The following PIWIL1 variants were observed in gnomAD, a reference collection of about 807,000 sequenced individuals.
The protein encoded by PIWIL1 is piwi-like protein 1.
A neutral mutation model predicts 114.4 loss-of-function variants in PIWIL1; 73 were observed. That is an observed-to-expected ratio of 0.64 (90% CI 0.53 to 0.78). The LOEUF (loss-of-function observed/expected upper bound fraction) is 0.78, where lower values mean the gene tolerates loss of function less well. Ranked by LOEUF, PIWIL1 falls within the 30% of genes least tolerant of loss-of-function variation. The probability of loss-of-function intolerance (pLI) is 0.00; values close to 1 mark genes in which losing one functional copy is unlikely to be tolerated. For missense variants in PIWIL1, 723 were observed against 1,063.1 expected (o/e 0.68, Z 4.45); for synonymous variants, 375 against 369.0 (o/e 1.02, Z -0.19).
intron 2 of PIWIL1, 65 bp downstream of exon 2, chr12:130,342,734 A>G: frequency 2.5e-6 from 3 of 1,222,062 alleles, no homozygotes; most frequent in Non-Finnish European, 3.6e-6. Flanking sequence ...TAGGCTGTTG[A>G]AAATAAACTA....
chr12:130,410,162 T>A, the PIWIL1 span, among the ~76,000 whole-genome samples: 1 of 152,244 alleles, frequency 6.6e-6, no homozygotes, highest in African/African-American at 2.4e-5. Context: ...TTTCATGTGC[T>A]TATTTGCCAC....
the PIWIL1 span, among the ~76,000 whole-genome samples, chr12:130,416,946 A>G: frequency 6.6e-6 from 1 of 151,820 alleles, no homozygotes; most frequent in South Asian, 2.1e-4. Flanking sequence ...ATAATAAAAT[A>G]TAAATAAAAA....
At chr12:130,368,089 C>T (rs2073718834) in intron 19 of PIWIL1, among the ~76,000 whole-genome samples, 3 of 152,152 alleles carry the variant, frequency 2.0e-5, no homozygotes, top group Admixed American at 6.5e-5. Flanking sequence ...TGAGCCACCA[C>T]GCCCAGCCGA....
the PIWIL1 span, among the ~76,000 whole-genome samples, chr12:130,395,061 G>A: frequency 2.6e-5 from 4 of 152,274 alleles, no homozygotes; most frequent in African/African-American, 9.6e-5. Flanking sequence ...GTGGGGAGGC[G>A]CTCATGGGTC....
the PIWIL1 span, among the ~76,000 whole-genome samples, chr12:130,423,826 C>A: frequency 5.3e-5 from 8 of 151,856 alleles, no homozygotes; most frequent in Non-Finnish European, 8.8e-5. Flanking sequence ...AACATGTTGC[C>A]AAACTTTCAG....
chr12:130,346,303 G>T (rs2073067148), intron 4 of PIWIL1, 67 bp from the exon 5 acceptor site: 2 of 1,237,414 alleles, frequency 1.6e-6, no homozygotes, highest in Admixed American at 1.9e-5. Context: ...GCCTTGTCAT[G>T]GTAGGAAAGA....
At chr12:130,362,376 G>A (rs754408357) in intron 16 of PIWIL1, among the ~76,000 whole-genome samples, 9 of 152,194 alleles carry the variant, frequency 5.9e-5, no homozygotes, top group Non-Finnish European at 1.3e-4. Flanking sequence ...TGGAGCTGAA[G>A]GTCTTTCATC....
At chr12:130,410,058 G>A in the PIWIL1 span, among the ~76,000 whole-genome samples, 2 of 152,192 alleles carry the variant, frequency 1.3e-5, no homozygotes, top group East Asian at 1.9e-4. Flanking sequence ...CACCTGCGAC[G>A]GCCAGCCGTT....
At chr12:130,356,038 G>C (rs1317240905) in intron 12 of PIWIL1, among the ~76,000 whole-genome samples, 2 of 151,476 alleles carry the variant, frequency 1.3e-5, no homozygotes, top group East Asian at 3.9e-4. Context: ...TAGCTAAAAA[G>C]TGGTTCGATT....
the PIWIL1 span, chr12:130,414,217 C>T: frequency 6.2e-7 from 1 of 1,614,204 alleles, no homozygotes; most frequent in Non-Finnish European, 8.5e-7. Context: ...AAGAGAGCCA[C>T]AAAGATCCGG....
chr12:130,343,071 G>C lies in PIWIL1; in HGVS notation c.160G>C (p.Gly54Arg), dbSNP rs762232353. The C allele has an allele frequency of 1.9e-6, 3 of 1,613,588 alleles. No homozygotes were observed. The highest frequency in any genetic ancestry group is 2.5e-6 in the Non-Finnish European group (3 of 1,179,738). The change falls in exon 3 of 21, where the codon GGA (glycine) becomes CGA (arginine). Residue 54 changes from glycine to arginine, a missense_variant. Physicochemically the swap from Gly to Arg is moderately radical, Grantham distance 125. Transcript: ENST00000245255. Reference protein sequence around the residue: ...GELFGRGRQRGTAGGTAKSQG... With the variant: ...GELFGRGRQRRTAGGTAKSQG... Reference sequence around the variant, plus strand: ...ATTATTTGGCCGTGGACGGCAGAGAGGAACAGCAGGAGGAACAGCCAAGTC... The same window carrying C: ...ATTATTTGGCCGTGGACGGCAGAGACGAACAGCAGGAGGAACAGCCAAGTC...
intron 18 of PIWIL1, chr12:130,366,552 C>T (rs2073664201): frequency 6.6e-6 from 1 of 152,302 alleles, no homozygotes; most frequent in South Asian, 2.1e-4. Context: ...TGTGGTAGGC[C>T]AAGGAGTGTG....
At chr12:130,422,635 A>C in the PIWIL1 span, 1 of 1,108,196 alleles carries the variant, frequency 9.0e-7, no homozygotes. The surrounding 1 kb of genome is among the most constrained non-coding windows in gnomAD (Gnocchi z 5.2). Flanking sequence ...AGCCAAATCA[A>C]GCGGGTTGAA....
the PIWIL1 span, chr12:130,399,584 C>A: frequency 7.0e-7 from 1 of 1,425,294 alleles, no homozygotes; most frequent in Non-Finnish European, 9.6e-7. Flanking sequence ...TTACGCTTTT[C>A]GGCCCAAGAT....
At chr12:130,375,969 G>T (rs756526906), downstream of PIWIL1, among the ~76,000 whole-genome samples, 2 of 152,108 alleles carry the variant, frequency 1.3e-5, no homozygotes, top group Non-Finnish European at 2.9e-5. Flanking sequence ...TCAGTCTCTT[G>T]CTGGTTCTTG....
intron 3 of PIWIL1, among the ~76,000 whole-genome samples, chr12:130,343,644 G>A (rs1005746118): frequency 3.5e-5 from 2 of 57,126 alleles, no homozygotes; most frequent in African/African-American, 6.9e-5. Flanking sequence ...TTTTTTTTTT[G>A]AGACGGAGTC....
At chr12:130,426,189 G>A in the PIWIL1 span, 1 of 152,260 alleles carries the variant, frequency 6.6e-6, no homozygotes, top group Non-Finnish European at 1.5e-5. Flanking sequence ...ACTGCCACGT[G>A]AGAACGTGTG....
chr12:130,355,775 T>G, intron 12 of PIWIL1, 108 bp downstream of exon 12: 1 of 767,982 alleles, frequency 1.3e-6, no homozygotes, highest in Middle Eastern at 3.4e-4. Flanking sequence ...AAGCTCCGAG[T>G]AAGGCAGTTT....
intron 19 of PIWIL1, among the ~76,000 whole-genome samples, chr12:130,370,505 GACA>G (rs1222678898): frequency 6.6e-6 from 1 of 152,188 alleles, no homozygotes; most frequent in East Asian, 1.9e-4. Context: ...GTTATAGAAA[GACA>G]ACATCATTTT....
Sources: gnomAD v4.1 joint callset for allele counts (sites outside exome capture counted in the v4.1 genomes callset) on GRCh38, gnomAD v4.1.1 for gene constraint, Gnocchi (gnomAD v3.1) non-coding constraint, MANE v1.5 for transcripts, NCBI Gene and HGNC (gene_info 2026-07-23, HGNC 2026-07-21) for gene names.